The following MYO3B variants were observed in gnomAD, a reference collection of about 807,000 sequenced individuals.
MYO3B encodes myosin-IIIb.
Under a neutral mutation model 174.6 loss-of-function variants are expected in MYO3B, and 156 were observed. The observed-to-expected ratio is 0.89, with a 90% CI of 0.78 to 1.02. The LOEUF (loss-of-function observed/expected upper bound fraction) is 1.02, where lower values mean the gene tolerates loss of function less well. MYO3B is among the 50% of genes least tolerant of loss of function. MYO3B has a pLI of 0.00. For synonymous variants in MYO3B, 563 were observed against 569.1 expected (o/e 0.99, Z 0.15); for missense variants, 1,632 against 1,639.4 (o/e 1.00, Z 0.08).
At position 170,563,910 on chromosome 2, in the gene MYO3B, C is replaced by G. The variant is rs138130916; in HGVS notation, c.3733+19922C>G. 3.8e-3 allele frequency among the ~76,000 whole-genome samples: 583 copies of G among 152,222 alleles called. 2 individuals carry two copies. Among genetic ancestry groups the G allele is most frequent in the African/African-American group, 0.013 (536 of 41,534 alleles). ...ACAGAAGAAGCTGGGAAGCATAGTT[C>G]AGTTGATTACATTGCTGTGGCATAT... On this transcript the variant is annotated intron_variant, in intron 32 of 34. Transcript: ENST00000408978.
chr2:170,383,838 A>G (rs2094353934), intron 12 of MYO3B, 24 bp downstream of exon 12: 1 of 1,561,588 alleles, frequency 6.4e-7, no homozygotes, highest in East Asian at 2.2e-5. Context: ...TTCCTTTCCT[A>G]CGGAGTCACC....
intron 21 of MYO3B, among the ~76,000 whole-genome samples, chr2:170,406,868 A>T (rs1045350286): frequency 4.6e-5 from 7 of 152,172 alleles, no homozygotes; most frequent in Admixed American, 2.0e-4. Flanking sequence ...GAGAACCAAG[A>T]ACTACTCAGC....
At chr2:170,393,039 G>A (rs1226930013) in intron 16 of MYO3B, among the ~76,000 whole-genome samples, 1 of 150,966 alleles carries the variant, frequency 6.6e-6, no homozygotes, top group Non-Finnish European at 1.5e-5. Flanking sequence ...CTTCTCCAGG[G>A]TACACAGTTG....
At chr2:170,614,041 T>G (rs1441162139) in intron 32 of MYO3B, among the ~76,000 whole-genome samples, 1 of 152,152 alleles carries the variant, frequency 6.6e-6, no homozygotes, top group Non-Finnish European at 1.5e-5. Context: ...CATCCCCTTC[T>G]GCATTCTATT....
At chr2:170,404,718 C>T (rs569376755) in intron 20 of MYO3B, among the ~76,000 whole-genome samples, 1 of 152,090 alleles carries the variant, frequency 6.6e-6, no homozygotes, top group South Asian at 2.1e-4. Context: ...CCTTTGTGTG[C>T]CCCCATCTCA....
At chr2:170,284,518 A>T (rs2093539670) in intron 7 of MYO3B, among the ~76,000 whole-genome samples, 1 of 152,146 alleles carries the variant, frequency 6.6e-6, no homozygotes, top group South Asian at 2.1e-4. Context: ...GTTAAGACCT[A>T]CAAAGCATTT....
chr2:170,183,684 T>G (rs530054734), intron 1 of MYO3B, among the ~76,000 whole-genome samples: 1 of 152,284 alleles, frequency 6.6e-6, no homozygotes, highest in African/African-American at 2.4e-5. Flanking sequence ...TTTTGTCTAA[T>G]CACAGTGGCT....
intron 32 of MYO3B, among the ~76,000 whole-genome samples, chr2:170,624,288 C>A (rs575870945): frequency 2.6e-5 from 4 of 152,310 alleles, no homozygotes; most frequent in African/African-American, 9.6e-5. Flanking sequence ...AGATCCTTCA[C>A]ATCCCTTTTA....
At chr2:170,491,366 T>C (rs1206907127) in intron 25 of MYO3B, among the ~76,000 whole-genome samples, 1 of 152,242 alleles carries the variant, frequency 6.6e-6, no homozygotes, top group Non-Finnish European at 1.5e-5. Flanking sequence ...TGTTGATTTC[T>C]AATTTAATTC....
intron 32 of MYO3B, among the ~76,000 whole-genome samples, chr2:170,569,116 G>A (rs980352145): frequency 1.9e-5 from 2 of 104,224 alleles, no homozygotes; most frequent in Non-Finnish European, 4.1e-5. Flanking sequence ...AATTGCGAAC[G>A]TTTTTCTTTT....
chr2:170,215,477 A>C (rs1425759969), intron 5 of MYO3B, among the ~76,000 whole-genome samples: 1 of 152,190 alleles, frequency 6.6e-6, no homozygotes, highest in Non-Finnish European at 1.5e-5. Context: ...TTGAAGGTTT[A>C]GTCTTCTAAA....
intron 17 of MYO3B, among the ~76,000 whole-genome samples, chr2:170,400,656 C>CA (rs1440108654): frequency 7.4e-6 from 1 of 134,540 alleles, no homozygotes; most frequent in Non-Finnish European, 1.7e-5. Context: ...ACCCCCCCCC[C>CA]CTCGGCCTCC....
At chr2:170,407,924 C>G in intron 22 of MYO3B, 80 bp downstream of exon 22, 1 of 1,531,800 alleles carries the variant, frequency 6.5e-7, no homozygotes, top group Non-Finnish European at 9.0e-7. Context: ...TGTCTGAATA[C>G]TGCCAGGGCT....
At chr2:170,542,859 T>C in intron 30 of MYO3B, 47 bp from the exon 31 acceptor site, 2 of 1,412,228 alleles carry the variant, frequency 1.4e-6, no homozygotes, top group Non-Finnish European at 2.0e-6. Context: ...GTTTTTCTAT[T>C]ATTATTTTCA....
intron 6 of MYO3B, among the ~76,000 whole-genome samples, chr2:170,223,160 T>TG (rs2092919006): frequency 6.6e-6 from 1 of 152,210 alleles, no homozygotes; most frequent in African/African-American, 2.4e-5. Flanking sequence ...CTGAGATGTT[T>TG]GGCCAGCTCA....
In MYO3B at chr2:170,595,157, G is replaced by A. The variant is rs574628028; in HGVS notation, c.3733+51169G>A. On this transcript the variant is annotated intron_variant, in intron 32 of 34. Coordinates refer to ENST00000408978, the MANE Select transcript of MYO3B (RefSeq NM_138995.5). Reference sequence around the variant, plus strand: ...TTTTGATTTCTGTAAAATAGGAACGGTAACCATCGTTTTGCAGGGTTGTGG... The same window carrying A: ...TTTTGATTTCTGTAAAATAGGAACGATAACCATCGTTTTGCAGGGTTGTGG... 3.3e-5 allele frequency among the ~76,000 whole-genome samples: 5 copies of A among 152,296 alleles called. No individual in the cohort carries two copies. In the East Asian group the frequency reaches 9.7e-4, roughly 29 times the overall value.
chr2:170,636,822 C>T (rs1051173302), intron 32 of MYO3B, among the ~76,000 whole-genome samples: 14 of 152,096 alleles, frequency 9.2e-5, no homozygotes, highest in Admixed American at 9.2e-4. Context: ...AAGAATGTTT[C>T]CTTCAGGGGT....
intron 30 of MYO3B, among the ~76,000 whole-genome samples, chr2:170,526,159 A>G (rs1017341133): frequency 6.6e-6 from 1 of 152,200 alleles, no homozygotes; most frequent in Admixed American, 6.5e-5. Flanking sequence ...CTTACGAGCT[A>G]TGAGACATTG....
chr2:170,451,625 A>G (rs1683599537), intron 23 of MYO3B, among the ~76,000 whole-genome samples: 2 of 152,234 alleles, frequency 1.3e-5, no homozygotes, highest in African/African-American at 4.8e-5. Flanking sequence ...AAAATATTTG[A>G]TTTAAGCCCT....
Sources: allele counts gnomAD v4.1 joint callset (sites outside exome capture counted in the v4.1 genomes callset), GRCh38; gene constraint gnomAD v4.1.1; transcripts MANE v1.5; gene names NCBI Gene and HGNC (gene_info 2026-07-23, HGNC 2026-07-21).